Variants in PIDD1 observed in about 807,000 individuals in gnomAD.
PIDD1 encodes p53-induced death domain protein 1.
PIDD1 carries 72 observed loss-of-function variants against 80.0 expected under a neutral mutation model. That is an observed-to-expected ratio of 0.90 (90% CI 0.74 to 1.09). The LOEUF (loss-of-function observed/expected upper bound fraction) is 1.09. PIDD1 is among the 50% of genes least tolerant of loss of function. The pLI, the probability that PIDD1 is intolerant of heterozygous loss-of-function variation, is 0.00. For missense variants in PIDD1, 1,329 were observed against 1,228.3 expected, an observed-to-expected ratio of 1.08 and a Z score of -1.23; for synonymous variants, 655 against 543.5, an observed-to-expected ratio of 1.21 and a Z score of -2.85.
At chr11:805,730 C>T, upstream of PIDD1, 4 of 965,890 alleles carry the variant, frequency 4.1e-6, no homozygotes, top group Non-Finnish European at 4.9e-6. Flanking sequence ...TCCTTTCGAG[C>T]CATCACTCTG....
At chr11:806,958 G>A (rs574684092), upstream of PIDD1, among the ~76,000 whole-genome samples, 8 of 152,328 alleles carry the variant, frequency 5.3e-5, no homozygotes, top group East Asian at 1.5e-3. Flanking sequence ...TTGTGAGGCT[G>A]AGGTGGGCGC....
At chr11:806,821 G>A (rs1447131972), upstream of PIDD1, among the ~76,000 whole-genome samples, 2 of 152,122 alleles carry the variant, frequency 1.3e-5, no homozygotes, top group African/African-American at 4.8e-5. Flanking sequence ...CTGACCTCGT[G>A]ATCCACCCGC....
rs1348792251 is a variant in PIDD1, at chr11:803,342, T to C, written c.541A>G (p.Asn181Asp). ...PALTFLTVTH[N>D]RLQTLPPALG... ...GCTGGGGGCAGCGTCTGCAGGCGGT[T>C]GTGTGTCACTGTGAGGAAGGTGAGG... The change falls in exon 3 of 16, where the codon AAC (asparagine) becomes GAC (aspartate). Residue 181 changes from asparagine to aspartate, a missense_variant. Physicochemically the swap from Asn to Asp is conservative, Grantham distance 23 (BLOSUM62 1). Transcript: ENST00000347755. 6.2e-7 allele frequency: 1 copy of C among 1,613,836 alleles called. No individual in the cohort carries two copies. Among genetic ancestry groups the C allele is most frequent in the East Asian group, 2.2e-5 (1 of 44,858 alleles).
chr11:806,613 G>C (rs1048391336), upstream of PIDD1, among the ~76,000 whole-genome samples: 1 of 150,430 alleles, frequency 6.6e-6, no homozygotes, highest in African/African-American at 2.4e-5. Context: ...GATGGAGTCT[G>C]GCTGTGTCCC....
rs150191339 is a variant in PIDD1 at position 800,232 on chromosome 11, G to A, written c.2173C>T (p.Arg725Cys). ...QAVRGQVSFY[R>C]GAVPVRVPEE... ...GGCACCCGCACAGGCACCGCGCCAC[G>A]GTAGAAGGACACCTGAAGGGGCATC... Residue 725 changes from arginine (R) to cysteine (C), a missense_variant, in exon 14 of 16, where the codon CGT becomes TGT. Arg to Cys is a radical substitution (Grantham distance 180). Transcript: ENST00000347755. 118 of 1,610,258 alleles carry A rather than the reference G, an allele frequency of 7.3e-5. No individual in the cohort carries two copies. In the Admixed American group the frequency reaches 8.8e-4, roughly 12 times the overall value.
chr11:801,256 G>A lies in PIDD1; in HGVS notation c.1592C>T (p.Pro531Leu), dbSNP rs779505958. The change falls in exon 9 of 16, where the codon CCG becomes CTG. Residue 531 changes from proline (P) to leucine (L), a missense_variant. Pro to Leu is a moderately conservative substitution (Grantham distance 98). Coordinates refer to ENST00000347755, the MANE Select transcript of PIDD1 (RefSeq NM_145886.4). ...SQSGPPSFLQ[P>L]VTVQLPLPSG... is the part of the protein sequence containing the mutation. ...GGGCAGAGGCAGCTGCACGGTGACC[G>A]GTTGGAGGAAGCTGGGGGGACCGCT... is the stretch of plus-strand genomic sequence containing the variant. 46 of 1,571,958 alleles carry A rather than the reference G, an allele frequency of 2.9e-5. No individual in the cohort carries two copies. The highest frequency in any genetic ancestry group is 2.7e-5 in the African/African-American group (2 of 74,002).
upstream of PIDD1, among the ~76,000 whole-genome samples, chr11:807,271 A>G (rs1865828549): frequency 6.7e-6 from 1 of 150,028 alleles, no homozygotes; most frequent in African/African-American, 2.5e-5. Context: ...CGGGTGGATC[A>G]GGTCAGGAGA....
Position 803,346 on chromosome 11 carries a change from T to G in PIDD1, c.537A>C (p.Thr179=), listed in dbSNP as rs549237870. The G allele has an allele frequency of 6.2e-7, 1 of 1,613,674 alleles. No individual in the cohort carries two copies. The highest frequency in any genetic ancestry group is 8.5e-7 in the Non-Finnish European group (1 of 1,179,950). Residue 179 remains threonine, a synonymous_variant, in exon 3 of 16, where the codon ACA becomes ACC. Coordinates refer to ENST00000347755, the MANE Select transcript of PIDD1 (RefSeq NM_145886.4). The stretch of plus-strand genomic sequence containing the variant: ...GGGGCAGCGTCTGCAGGCGGTTGTG[T>G]GTCACTGTGAGGAAGGTGAGGGCGG... ...ALPALTFLTV[T]HNRLQTLPPA...
At chr11:809,163 T>C (rs149182407), upstream of PIDD1, among the ~76,000 whole-genome samples, 44 of 152,314 alleles carry the variant, frequency 2.9e-4, no homozygotes, top group East Asian at 3.3e-3. Context: ...GACCCGAGAA[T>C]GTAGCGGGGT....
In PIDD1 at chr11:802,225, C is replaced by T. The variant is rs1355280837; in HGVS notation, c.1146G>A (p.Glu382=). The change falls in exon 6 of 16, where the codon GAG becomes GAA. Residue 382 remains glutamate (E), a synonymous_variant. Transcript: ENST00000347755. ...PHDALLSHVL[E]LQPHGVAFQQ... ...GGAAGGCCACCCCATGGGGCTGCAG[C>T]TCCAGCACATGGCTGAGCAGGGCGT... 4 of 1,610,864 alleles carry T rather than the reference C, an allele frequency of 2.5e-6. No homozygotes were observed. The highest frequency in any genetic ancestry group is 1.7e-6 in the Non-Finnish European group (2 of 1,179,120).
intron 1 of PIDD1, 70 bp from the exon 2 acceptor site, chr11:804,533 G>A (rs1865645403): frequency 2.9e-6 from 4 of 1,398,796 alleles, no homozygotes; most frequent in South Asian, 3.1e-5. Context: ...CAGGGACTCT[G>A]GATGGAGTGG....
chr11:806,784 C>G (rs747356603), upstream of PIDD1, among the ~76,000 whole-genome samples: 6,963 of 152,124 alleles, frequency 0.046, 247 homozygotes, highest in Admixed American at 0.11. Flanking sequence ...GGGGTTTCAC[C>G]GTGTTACCTA....
At chr11:808,134 A>AG (rs1287109903), upstream of PIDD1, among the ~76,000 whole-genome samples, 1 of 151,648 alleles carries the variant, frequency 6.6e-6, no homozygotes, top group Non-Finnish European at 1.5e-5. Context: ...AATAAAAAAA[A>AG]AGTGAGATGG....
At chr11:803,853 A>AC (rs1006696997) in intron 2 of PIDD1, 1 of 615,094 alleles carries the variant, frequency 1.6e-6, no homozygotes, top group African/African-American at 1.8e-5. Flanking sequence ...GTCTGGAGAG[A>AC]CCCCCACTGG....
chr11:804,191 G>T lies in PIDD1; in HGVS notation c.198C>A (p.Phe66Leu), dbSNP rs761290019. 6.2e-7 allele frequency: 1 copy of T among 1,613,364 alleles called. No homozygotes were observed. Among genetic ancestry groups the T allele is most frequent in the African/African-American group, 1.3e-5 (1 of 75,060 alleles). ...QQPLQLLQVE[F>L]LRLSTHEDPQ... ...GGTCCTCGTGAGTGCTCAGACGCAA[G>T]AATTCCACCTGCAGCAGCTGCAGAG... is the stretch of plus-strand genomic sequence containing the variant. The change falls in exon 2 of 16, where the codon TTC becomes TTA. Residue 66 changes from phenylalanine to leucine, a missense_variant. Physicochemically the swap from Phe to Leu is conservative, Grantham distance 22. Transcript: ENST00000347755.
chr11:803,613 C>CCCTCAGAGCCTCGGA, intron 2 of PIDD1, 26 bp from the exon 3 acceptor site: 1 of 1,584,152 alleles, frequency 6.3e-7, no homozygotes, highest in Non-Finnish European at 8.6e-7. Flanking sequence ...GCGGATGTGG[C>CCCTCAGAGCCTCGGA]CCTCAGAGCC....
In PIDD1 at chr11:801,583, G is replaced by T; in HGVS notation, c.1344C>A (p.Phe448Leu). ...AHCQVPHFSW[F>L]LVVSRPVSNA... ...TGGACACAGGGCGGGAAACCACAAG[G>T]AACCAGGAGAAGTGGGGCACCTGGC... The change falls in exon 8 of 16, where the codon TTC becomes TTA. Residue 448 changes from phenylalanine (F) to leucine (L), a missense_variant. Phe to Leu is a conservative substitution (Grantham distance 22). Transcript: ENST00000347755. The T allele has an allele frequency of 6.4e-7, 1 of 1,567,376 alleles. No individual in the cohort carries two copies. The highest frequency in any genetic ancestry group is 8.6e-7 in the Non-Finnish European group (1 of 1,156,218).
rs1565046632 is a variant in PIDD1 at position 799,305 on chromosome 11, G to T, written c.*2C>A. 2 of 1,590,592 alleles carry T rather than the reference G, an allele frequency of 1.3e-6. No individual in the cohort carries two copies. The highest frequency in any genetic ancestry group is 1.7e-6 in the Non-Finnish European group (2 of 1,170,370). ...CTGGGCCAGCCTAAAAGTCTGTGGGGCCTAGGCCTGGGCAGGCTCTGGGGG... is the reference window on the plus strand; with the variant it reads ...CTGGGCCAGCCTAAAAGTCTGTGGGTCCTAGGCCTGGGCAGGCTCTGGGGG... On this transcript the variant is annotated 3_prime_UTR_variant, in exon 16 of 16. Coordinates refer to ENST00000347755, the MANE Select transcript of PIDD1 (RefSeq NM_145886.4).
chr11:804,501 T>C (rs1590154613), intron 1 of PIDD1, 38 bp from the exon 2 acceptor site: 1 of 1,446,910 alleles, frequency 6.9e-7, no homozygotes, highest in African/African-American at 1.4e-5. Context: ...GGAGCCGGGG[T>C]GGGCCCTTCT....
Sources: allele counts gnomAD v4.1 joint callset (sites outside exome capture counted in the v4.1 genomes callset), GRCh38; gene constraint gnomAD v4.1.1; transcripts MANE v1.5; gene names NCBI Gene and HGNC (gene_info 2026-07-23, HGNC 2026-07-21).